Variants in SGK1 observed in about 807,000 individuals in gnomAD.
The protein encoded by SGK1 is serum/glucocorticoid regulated kinase 1.
Under a neutral mutation model 64.2 loss-of-function variants are expected in SGK1, and 26 were observed. The ratio of observed to expected loss-of-function variants is 0.40; its 90% confidence interval spans 0.30 to 0.56. SGK1 has a LOEUF of 0.56. SGK1 is among the 20% of genes least tolerant of loss of function. The pLI is 0.38. For synonymous variants in SGK1, 265 were observed against 239.7 expected, an observed-to-expected ratio of 1.11 and a Z score of -0.98; for missense variants, 519 against 645.6, an observed-to-expected ratio of 0.80 and a Z score of 2.12.
intron 3 of SGK1, among the ~76,000 whole-genome samples, chr6:134,182,392 C>A (rs958071323): frequency 1.3e-5 from 2 of 150,358 alleles, no homozygotes; most frequent in Non-Finnish European, 3.0e-5. Context: ...ACTAAAAATA[C>A]AAAAATTAGC....
intron 1 of SGK1, among the ~76,000 whole-genome samples, chr6:134,299,378 A>G (rs1311705654): frequency 6.6e-6 from 1 of 152,094 alleles, no homozygotes; most frequent in Non-Finnish European, 1.5e-5. Flanking sequence ...CAAAACAAAC[A>G]AAACAAAAAA....
chr6:134,278,907 C>T (rs984242131), intron 1 of SGK1, among the ~76,000 whole-genome samples: 2 of 151,332 alleles, frequency 1.3e-5, no homozygotes, highest in Non-Finnish European at 2.9e-5. Context: ...CTGTGACCTC[C>T]GTACAATTGA....
Position 134,171,009 on chromosome 6 carries a change from A to C in SGK1, c.1323+14T>G. The C allele has an allele frequency of 5.0e-6, 8 of 1,613,998 alleles. No individual in the cohort carries two copies. Among genetic ancestry groups the C allele is most frequent in the Admixed American group, 3.3e-5 (2 of 60,014 alleles). ...GTCCCGGCCGGCCCAGGAGGACAGGAAAACATCACTCACGAAGTCATCCTT... is the reference window on the plus strand; with the variant it reads ...GTCCCGGCCGGCCCAGGAGGACAGGCAAACATCACTCACGAAGTCATCCTT... On this transcript the variant is annotated intron_variant, in intron 12 of 13. Coordinates refer to ENST00000367858, the MANE Select transcript of SGK1 (RefSeq NM_001143676.3).
chr6:134,280,570 G>A (rs544812682), intron 1 of SGK1, among the ~76,000 whole-genome samples: 2 of 152,112 alleles, frequency 1.3e-5, no homozygotes, highest in South Asian at 2.1e-4. Context: ...GAGCCACCTC[G>A]CCTGGCCAAT....
intron 3 of SGK1, among the ~76,000 whole-genome samples, chr6:134,187,491 T>C (rs528387359): frequency 6.6e-6 from 1 of 152,312 alleles, no homozygotes; most frequent in Non-Finnish European, 1.5e-5. Context: ...CACCATATAC[T>C]GGATGTTGAT....
At chr6:134,256,502 C>CA (rs1372878167) in intron 2 of SGK1, among the ~76,000 whole-genome samples, 1 of 152,160 alleles carries the variant, frequency 6.6e-6, no homozygotes, top group African/African-American at 2.4e-5. Context: ...ACCTCCACTT[C>CA]AAAACTTTCC....
At chr6:134,309,208 G>A (rs1777576831) in intron 1 of SGK1, among the ~76,000 whole-genome samples, 1 of 152,142 alleles carries the variant, frequency 6.6e-6, no homozygotes, top group South Asian at 2.1e-4. Flanking sequence ...TCCCTTTGTT[G>A]TAAATACTTA....
chr6:134,177,041 C>A (rs1385546254), intron 3 of SGK1, among the ~76,000 whole-genome samples: 1 of 152,134 alleles, frequency 6.6e-6, no homozygotes, highest in Non-Finnish European at 1.5e-5. Context: ...TGGTGAAACC[C>A]CGTCTCTACT....
intron 3 of SGK1, among the ~76,000 whole-genome samples, chr6:134,198,724 C>CTCTTTTTT (rs1459010325): frequency 6.1e-5 from 4 of 65,944 alleles, no homozygotes; most frequent in South Asian, 4.9e-4. Context: ...TTCTCTTTTT[C>CTCTTTTTT]TATTTTTTTT....
chr6:134,207,367 T>A lies in SGK1; in HGVS notation c.350A>T (p.Asn117Ile). The A allele has an allele frequency of 6.2e-7, 1 of 1,605,100 alleles. No homozygotes were observed. Among genetic ancestry groups the A allele is most frequent in the Non-Finnish European group, 8.5e-7 (1 of 1,172,092 alleles). ...TKPDPRTFWTNDDPAFMKQRR... is the reference protein window; with the variant it reads ...TKPDPRTFWTIDDPAFMKQRR... ...TTTTCCAATAATACCTGGATCATCA[T>A]TAGTCCAGAAGGTTCTTGGATCGGG... The change falls in exon 3 of 14, where the codon AAT becomes ATT. Residue 117 changes from asparagine to isoleucine, a missense_variant. This residue lies in a region of SGK1 where 241 missense variants were observed against 236.9 expected (regional missense o/e 1.02). Transcript: ENST00000367858.
intron 2 of SGK1, among the ~76,000 whole-genome samples, chr6:134,237,322 G>A (rs1351585254): frequency 6.6e-6 from 1 of 151,786 alleles, no homozygotes; most frequent in Non-Finnish European, 1.5e-5. Flanking sequence ...CTCCCAACGT[G>A]CTAAGATTAC....
chr6:134,175,186 T>G (rs1389561719), intron 3 of SGK1, among the ~76,000 whole-genome samples: 1 of 152,162 alleles, frequency 6.6e-6, no homozygotes, highest in East Asian at 1.9e-4. Flanking sequence ...GTTTTCCACC[T>G]CTCTCATTTA....
chr6:134,197,675 A>C (rs2114672663), intron 3 of SGK1, among the ~76,000 whole-genome samples: 1 of 152,048 alleles, frequency 6.6e-6, no homozygotes, highest in African/African-American at 2.4e-5. Flanking sequence ...AAAATACAAA[A>C]ATTAGCCAGG....
chr6:134,201,838 T>C (rs1197834967), intron 3 of SGK1, among the ~76,000 whole-genome samples: 1 of 152,192 alleles, frequency 6.6e-6, no homozygotes, highest in Non-Finnish European at 1.5e-5. Flanking sequence ...TTTGCACTTA[T>C]CAGAATTCAA....
intron 1 of SGK1, among the ~76,000 whole-genome samples, chr6:134,311,459 A>G (rs1777606999): frequency 2.0e-5 from 3 of 152,052 alleles, no homozygotes; most frequent in South Asian, 4.1e-4. Context: ...CCTGGCCAAC[A>G]TGGTGAAACC....
At chr6:134,264,627 A>AATT (rs149642782) in intron 1 of SGK1, among the ~76,000 whole-genome samples, 2 of 151,912 alleles carry the variant, frequency 1.3e-5, no homozygotes, top group East Asian at 1.9e-4. Context: ...GTGATGCTAC[A>AATT]ATTATTATTA....
In SGK1 at chr6:134,261,969, G is replaced by A. The variant is rs747213537; in HGVS notation, c.249C>T (p.Asn83=). 1.9e-5 allele frequency: 30 copies of A among 1,613,492 alleles called. No homozygotes were observed. Among genetic ancestry groups the A allele is most frequent in the East Asian group, 8.9e-5 (4 of 44,888 alleles). ...AFQRGVLPQE[N]ESCSWETQSG... The stretch of plus-strand genomic sequence containing the variant: ...ATTGAGTTTCCCATGAACATGACTC[G>A]TTCTCCTGAGGGAGAACCCCTCTTT... Residue 83 remains asparagine, a synonymous_variant, in exon 2 of 14, where the codon AAC becomes AAT. Transcript: ENST00000367858.
At chr6:134,215,134 C>CTTTCTTTCT in intron 2 of SGK1, 7 of 390,544 alleles carry the variant, frequency 1.8e-5, no homozygotes, top group East Asian at 7.4e-5. Flanking sequence ...TTCTTTCTTT[C>CTTTCTTTCT]TTTTTTTTTT....
intron 2 of SGK1, among the ~76,000 whole-genome samples, chr6:134,238,706 G>C (rs550581867): frequency 3.3e-4 from 50 of 151,910 alleles, no homozygotes; most frequent in Non-Finnish European, 6.2e-4. Flanking sequence ...CCTTAATAAG[G>C]GTCTCCAATG....
Sources: allele counts gnomAD v4.1 joint callset (sites outside exome capture counted in the v4.1 genomes callset), GRCh38; gene constraint gnomAD v4.1.1; regional missense constraint gnomAD v4.1.1; transcripts MANE v1.5; gene names NCBI Gene and HGNC (gene_info 2026-07-23, HGNC 2026-07-21).